SLCO1B3: variants seen among roughly 807,000 people sequenced by gnomAD.
The protein encoded by SLCO1B3 is liver-specific organic anion transporter 2.
A neutral mutation model predicts 71.8 loss-of-function variants in SLCO1B3; 72 were observed. That is an observed-to-expected ratio of 1.00 (90% CI 0.83 to 1.22). The LOEUF is 1.22. SLCO1B3 is among the 50% of genes most tolerant of loss of function. SLCO1B3 has a pLI of 0.00. For missense variants in SLCO1B3, 911 were observed against 819.7 expected, an observed-to-expected ratio of 1.11 and a Z score of -1.36; for synonymous variants, 298 against 278.4, an observed-to-expected ratio of 1.07 and a Z score of -0.70.
intron 8 of SLCO1B3, among the ~76,000 whole-genome samples, chr12:20,866,078 C>T (rs1865368981): frequency 6.6e-6 from 1 of 152,076 alleles, no homozygotes; most frequent in African/African-American, 2.4e-5. Flanking sequence ...GCGTATTTTT[C>T]ATCCTGTTAA....
chr12:20,829,444 C>G (rs1422020318), intron 3 of SLCO1B3, among the ~76,000 whole-genome samples: 1 of 152,214 alleles, frequency 6.6e-6, no homozygotes, highest in Non-Finnish European at 1.5e-5. Context: ...GAAAACTCCC[C>G]TTCTTTGTTT....
intron 15 of SLCO1B3, among the ~76,000 whole-genome samples, chr12:20,904,904 G>C (rs867512777): frequency 2.0e-5 from 3 of 151,650 alleles, no homozygotes; most frequent in Non-Finnish European, 2.9e-5. Context: ...TTCCTGAGTA[G>C]GTGGGACCAC....
At chr12:20,821,588 C>T (rs1864308046) in intron 3 of SLCO1B3, among the ~76,000 whole-genome samples, 1 of 151,912 alleles carries the variant, frequency 6.6e-6, no homozygotes, top group South Asian at 2.1e-4. Flanking sequence ...GTTCTTGCCC[C>T]CTAGAAAAGC....
At chr12:20,903,141 T>G (rs1292660015) in intron 15 of SLCO1B3, among the ~76,000 whole-genome samples, 2 of 151,758 alleles carry the variant, frequency 1.3e-5, no homozygotes, top group Non-Finnish European at 2.9e-5. Context: ...GAATTTCCTG[T>G]CATTGCTGGA....
At position 20,877,779 on chromosome 12, in the gene SLCO1B3, C is replaced by A; in HGVS notation, c.978C>A (p.Phe326Leu). ...KNVTKNVTGF[F>L]QSLKSILTNP... ...ATTTTTATAACTCTATAGGTTTTTT[C>A]CAGTCTTTGAAAAGCATCCTTACCA... Residue 326 changes from phenylalanine to leucine, a missense_variant, in exon 10 of 16, where the codon TTC becomes TTA. Coordinates refer to ENST00000381545, the MANE Select transcript of SLCO1B3 (RefSeq NM_019844.4). 1 of 1,410,032 alleles carries A rather than the reference C, an allele frequency of 7.1e-7. No homozygotes were observed. Among genetic ancestry groups the A allele is most frequent in the Non-Finnish European group, 9.4e-7 (1 of 1,064,936 alleles). 87.3% of individuals were successfully genotyped at this position (1,410,032 alleles called of 1,614,324 possible).
chr12:20,838,208 T>C (rs1031278330), intron 3 of SLCO1B3, among the ~76,000 whole-genome samples: 10 of 151,992 alleles, frequency 6.6e-5, no homozygotes, highest in African/African-American at 2.4e-4. Context: ...GTATACCTTT[T>C]TTTAACCTCT....
intron 3 of SLCO1B3, among the ~76,000 whole-genome samples, chr12:20,854,824 C>A (rs1305815713): frequency 6.6e-6 from 1 of 152,080 alleles, no homozygotes; most frequent in African/African-American, 2.4e-5. Context: ...AATGTTGTAA[C>A]CAAGTTAGAA....
intron 14 of SLCO1B3, among the ~76,000 whole-genome samples, chr12:20,899,786 A>C (rs1474809095): frequency 2.0e-5 from 3 of 152,198 alleles, no homozygotes; most frequent in East Asian, 3.9e-4. Flanking sequence ...TGTTTAAGCA[A>C]CATAAAATAG....
intron 13 of SLCO1B3, among the ~76,000 whole-genome samples, chr12:20,897,893 G>C (rs1282718969): frequency 6.6e-6 from 1 of 152,116 alleles, no homozygotes; most frequent in Non-Finnish European, 1.5e-5. Flanking sequence ...ATACAAATAT[G>C]CTCTGTAGCT....
At chr12:20,855,814 A>T (rs1312704144) in intron 4 of SLCO1B3, among the ~76,000 whole-genome samples, 1 of 151,486 alleles carries the variant, frequency 6.6e-6, no homozygotes, top group African/African-American at 2.4e-5. Flanking sequence ...AAGAAAAATT[A>T]AAATTTTTCT....
intron 3 of SLCO1B3, among the ~76,000 whole-genome samples, chr12:20,833,624 AGTAT>A (rs1864594845): frequency 6.8e-6 from 1 of 147,538 alleles, no homozygotes; most frequent in South Asian, 2.1e-4. Flanking sequence ...TATAAAATAG[AGTAT>A]GTAAACTATT....
Position 20,880,957 on chromosome 12 carries a change from A to T in SLCO1B3, c.1434A>T (p.Gly478=), listed in dbSNP as rs1365558550. The change falls in exon 12 of 16, where the codon GGA becomes GGT. Residue 478 remains glycine (G), a synonymous_variant. Coordinates refer to ENST00000381545, the MANE Select transcript of SLCO1B3 (RefSeq NM_019844.4). Reference sequence around the variant, plus strand: ...GGGAACCAGTCTGTGGGAACAATGGAATAACTTACCTGTCACCTTGTCTAG... The same window carrying T: ...GGGAACCAGTCTGTGGGAACAATGGTATAACTTACCTGTCACCTTGTCTAG... ...SQWEPVCGNN[G]ITYLSPCLAG... 1 of 1,612,608 alleles carries T rather than the reference A, an allele frequency of 6.2e-7. No individual in the cohort carries two copies. The highest frequency in any genetic ancestry group is 1.3e-5 in the African/African-American group (1 of 74,876).
rs924770778 is a variant in SLCO1B3, at chr12:20,879,505, T to C, written c.1205T>C (p.Leu402Ser). ...GGATTTATCATTAAAAAATTCAAATTGTCTTTAGTTGGAATTGCCAAATTT... is the reference window on the plus strand; with the variant it reads ...GGATTTATCATTAAAAAATTCAAATCGTCTTTAGTTGGAATTGCCAAATTT... ...LGGFIIKKFK[L>S]SLVGIAKFSF... Residue 402 changes from leucine (L) to serine (S), a missense_variant, in exon 11 of 16, where the codon TTG (leucine) becomes TCG (serine). Physicochemically the swap from Leu to Ser is moderately radical, Grantham distance 145. Transcript: ENST00000381545. 10 of 1,611,444 alleles carry C rather than the reference T, an allele frequency of 6.2e-6. No homozygotes were observed. Among genetic ancestry groups the C allele is most frequent in the African/African-American group, 1.3e-5 (1 of 74,830 alleles).
chr12:20,850,529 G>A (rs1476577583), intron 3 of SLCO1B3, among the ~76,000 whole-genome samples: 4 of 151,996 alleles, frequency 2.6e-5, no homozygotes, highest in African/African-American at 4.8e-5. Flanking sequence ...TGATCCACCC[G>A]CCTCGGCCTC....
At chr12:20,834,795 A>G (rs1195835623) in intron 3 of SLCO1B3, among the ~76,000 whole-genome samples, 1 of 152,082 alleles carries the variant, frequency 6.6e-6, no homozygotes, top group Non-Finnish European at 1.5e-5. Context: ...TGCAATCCAC[A>G]GTGTCAGTGG....
At chr12:20,872,912 CCT>C (rs1865502447) in intron 8 of SLCO1B3, among the ~76,000 whole-genome samples, 2 of 152,310 alleles carry the variant, frequency 1.3e-5, no homozygotes, top group African/African-American at 4.8e-5. Flanking sequence ...TCTTCTTGGG[CCT>C]CTCAAATTTT....
At position 20,848,595 on chromosome 12, in the gene SLCO1B3, A is replaced by G. The variant is rs77623573; in HGVS notation, c.85-6433A>G. On this transcript the variant is annotated intron_variant, in intron 3 of 15. Coordinates refer to ENST00000381545, the MANE Select transcript of SLCO1B3 (RefSeq NM_019844.4). The stretch of plus-strand genomic sequence containing the variant: ...TTAAAAGCAACCAAGATATCTTTCA[A>G]TAGGTGAATAGGTAAAGAAACTGTG... Among the ~76,000 whole-genome samples, 51 of 152,262 alleles carry G rather than the reference A, an allele frequency of 3.3e-4. No individual in the cohort carries two copies. The East Asian group carries it at 8.9e-3, about 27-fold the overall frequency.
intron 3 of SLCO1B3, among the ~76,000 whole-genome samples, chr12:20,842,435 T>C (rs1287142246): frequency 1.3e-5 from 2 of 152,208 alleles, no homozygotes; most frequent in African/African-American, 4.8e-5. Flanking sequence ...TATATCAATA[T>C]GTAGAAACCT....
chr12:20,814,856 T>C (rs926481327), intron 2 of SLCO1B3, among the ~76,000 whole-genome samples: 24 of 150,336 alleles, frequency 1.6e-4, no homozygotes, highest in Non-Finnish European at 2.7e-4. Flanking sequence ...GAGATCACGC[T>C]ACTGCCCTCC....
Sources: allele counts gnomAD v4.1 joint callset (sites outside exome capture counted in the v4.1 genomes callset), GRCh38; gene constraint gnomAD v4.1.1; transcripts MANE v1.5; gene names NCBI Gene and HGNC (gene_info 2026-07-23, HGNC 2026-07-21).